The following GPRC5B variants were observed in gnomAD, a reference collection of about 807,000 sequenced individuals.
GPRC5B encodes G protein-coupled receptor class C group 5 member B.
Under a neutral mutation model 30.1 loss-of-function variants are expected in GPRC5B, and 16 were observed. That is an observed-to-expected ratio of 0.53 (90% CI 0.36 to 0.81). GPRC5B has a LOEUF of 0.81. Ranked by LOEUF, GPRC5B falls within the 30% of genes least tolerant of loss-of-function variation. The pLI is 0.01. For synonymous variants in GPRC5B, 241 were observed against 239.5 expected, an observed-to-expected ratio of 1.01 and a Z score of -0.06; for missense variants, 428 against 544.7, an observed-to-expected ratio of 0.79 and a Z score of 2.13.
At chr16:19,882,620 A>C (rs1367239571) in intron 1 of GPRC5B, among the ~76,000 whole-genome samples, 1 of 152,020 alleles carries the variant, frequency 6.6e-6, no homozygotes, top group Non-Finnish European at 1.5e-5. Flanking sequence ...CTCTATCCCC[A>C]TGGGCAGAAT....
intron 2 of GPRC5B, among the ~76,000 whole-genome samples, chr16:19,868,403 C>T (rs1354001895): frequency 6.6e-6 from 1 of 151,952 alleles, no homozygotes; most frequent in Non-Finnish European, 1.5e-5. Flanking sequence ...AAAAAGAAAA[C>T]ATGAATGTAT....
At chr16:19,876,645 C>G (rs957367918) in intron 1 of GPRC5B, among the ~76,000 whole-genome samples, 3 of 152,204 alleles carry the variant, frequency 2.0e-5, no homozygotes, top group Non-Finnish European at 4.4e-5. Context: ...GTGGAGGATG[C>G]CAACACCAAG....
At chr16:19,877,662 A>G (rs1484613595) in intron 1 of GPRC5B, among the ~76,000 whole-genome samples, 1 of 152,198 alleles carries the variant, frequency 6.6e-6, no homozygotes, top group Non-Finnish European at 1.5e-5. Flanking sequence ...CTTCGCGTAT[A>G]TTAATACCTA....
rs576478932 is a variant in GPRC5B, at chr16:19,872,873, G to C, written c.-1-27C>G. The C allele has an allele frequency of 5.8e-6, 9 of 1,542,794 alleles. No homozygotes were observed. The South Asian group carries it at 1.0e-4, about 17-fold the overall frequency. Reference sequence around the variant, plus strand: ...TAGAAAAGCCAAGAGGGGAATGGTTGGGGGGAAGGAAAGATGAATTCATTG... The same window carrying C: ...TAGAAAAGCCAAGAGGGGAATGGTTCGGGGGAAGGAAAGATGAATTCATTG... On this transcript the variant is annotated intron_variant, in intron 1 of 3. Coordinates refer to ENST00000300571, the MANE Select transcript of GPRC5B (RefSeq NM_016235.3). This position sits in a 1 kb window ranked among gnomAD's most constrained non-coding sequence, Gnocchi z 5.0.
Position 19,860,224 on chromosome 16 carries a change from CTATTTGCAATTAGCTTTGCTTTA to C in GPRC5B, c.*253_*275del. On this transcript the variant is annotated 3_prime_UTR_variant, in exon 4 of 4. Coordinates refer to ENST00000300571, the MANE Select transcript of GPRC5B (RefSeq NM_016235.3). ...GCCACATTTTCCAGTGAGCCTAATA[CTATTTGCAATTAGCTTTGCTTTA>C]GTTTGCGGGGATTGAGGTTGGTCTG... 2.4e-6 allele frequency: 1 copy of C among 410,152 alleles called. No homozygotes were observed. The highest frequency in any genetic ancestry group is 2.6e-5 in the South Asian group (1 of 38,754). The allele number at this position is 410,152 out of a possible 1,614,324, so 25.4% of individuals were successfully genotyped here.
At chr16:19,870,268 C>T (rs2056704907) in intron 2 of GPRC5B, among the ~76,000 whole-genome samples, 1 of 152,176 alleles carries the variant, frequency 6.6e-6, no homozygotes, top group Non-Finnish European at 1.5e-5. Flanking sequence ...TCTTCTCTGC[C>T]TTCTCAGTCT....
rs770196174 is a variant in GPRC5B at position 19,872,833 on chromosome 16, A to T, written c.13T>A (p.Ser5Thr). 5.6e-6 allele frequency: 9 copies of T among 1,611,600 alleles called. No individual in the cohort carries two copies. The East Asian group carries it at 2.0e-4, about 36-fold the overall frequency. Residue 5 changes from serine (S) to threonine (T), a missense_variant, in exon 2 of 4, where the codon TCA becomes ACA. Physicochemically the swap from Ser to Thr is moderately conservative, Grantham distance 58. Around this residue, in one of 3 missense-constraint regions of GPRC5B, gnomAD observed 196 missense variants for 272.6 expected, o/e 0.72. Coordinates refer to ENST00000300571, the MANE Select transcript of GPRC5B (RefSeq NM_016235.3). The surrounding 1 kb of genome is among the most constrained non-coding windows in gnomAD (Gnocchi z 5.0). MFVA[S>T]ERKMRAHQVL... ...TGGTGAGCTCTCATCTTTCTCTCTG[A>T]TGCCACGAACATTCTAGAAAAGCCA...
rs557146919 is a variant in GPRC5B at position 19,866,581 on chromosome 16, C to T, written c.1031-4608G>A. 2.5e-3 allele frequency among the ~76,000 whole-genome samples: 374 copies of T among 151,936 alleles called. 1 individual carries two copies. Among genetic ancestry groups the T allele is most frequent in the African/African-American group, 8.5e-3 (350 of 41,406 alleles). ...TTTAGTAGAGACAGGGGTGTCGCCA[C>T]GTTGCCCAGGTTGGTCTCCAACTTT... On this transcript the variant is annotated intron_variant, in intron 2 of 3. Coordinates refer to ENST00000300571, the MANE Select transcript of GPRC5B (RefSeq NM_016235.3).
intron 1 of GPRC5B, among the ~76,000 whole-genome samples, chr16:19,881,955 C>T (rs540644295): frequency 6.6e-5 from 10 of 152,310 alleles, no homozygotes; most frequent in South Asian, 6.2e-4. Context: ...GAATCCCTCA[C>T]GTGTGGCAGA....
At chr16:19,871,297 A>AAAAAAAAAAAAAAG (rs1567209331) in intron 2 of GPRC5B, among the ~76,000 whole-genome samples, 1 of 150,402 alleles carries the variant, frequency 6.6e-6, no homozygotes, top group African/African-American at 2.4e-5. Context: ...AAAAAAAAAA[A>AAAAAAAAAAAAAAG]AAAGAAAGAA....
chr16:19,880,470 GAATGTGTTGT>G (rs2056798961), intron 1 of GPRC5B, among the ~76,000 whole-genome samples: 2 of 41,400 alleles, frequency 4.8e-5, no homozygotes, highest in African/African-American at 7.4e-5. Flanking sequence ...AATAAGAAAA[GAATGTGTTGT>G]AATGAGATTA....
intron 2 of GPRC5B, among the ~76,000 whole-genome samples, chr16:19,869,106 A>G (rs1448719854): frequency 6.6e-6 from 1 of 152,148 alleles, no homozygotes; most frequent in Non-Finnish European, 1.5e-5. Context: ...AGGCAGGCGG[A>G]TCACATGAGG....
intron 1 of GPRC5B, among the ~76,000 whole-genome samples, chr16:19,883,931 G>T (rs2056828821): frequency 6.6e-6 from 1 of 152,176 alleles, no homozygotes; most frequent in Non-Finnish European, 1.5e-5. Context: ...CGGCCTAAGC[G>T]CTAGGGACCC....
Position 19,872,968 on chromosome 16 carries a change from C to A in GPRC5B, c.-1-122G>T. On this transcript the variant is annotated intron_variant, in intron 1 of 3. Coordinates refer to ENST00000300571, the MANE Select transcript of GPRC5B (RefSeq NM_016235.3). The surrounding 1 kb of genome is among the most constrained non-coding windows in gnomAD (Gnocchi z 5.0). ...TTCAAACCTGCAAGCGCACACGGCACCTTTGCACACATAGGAAAACGTGCT... is the reference window on the plus strand; with the variant it reads ...TTCAAACCTGCAAGCGCACACGGCAACTTTGCACACATAGGAAAACGTGCT... 1.5e-6 allele frequency: 1 copy of A among 673,216 alleles called. No homozygotes were observed. Among genetic ancestry groups the A allele is most frequent in the Non-Finnish European group, 2.5e-6 (1 of 392,744 alleles). 41.7% of individuals were successfully genotyped at this position (673,216 alleles called of 1,614,324 possible). A position where few individuals can be genotyped will look rare whatever the true frequency, so the allele number is the denominator to read the frequency against.
intron 2 of GPRC5B, among the ~76,000 whole-genome samples, chr16:19,871,483 G>C (rs560616525): frequency 6.6e-6 from 1 of 152,012 alleles, no homozygotes; most frequent in Non-Finnish European, 1.5e-5. Context: ...TTAGCTGGGC[G>C]TGGTGGCACA....
rs545203277 is a variant in GPRC5B, at chr16:19,875,836, T to A, written c.-1-2990A>T. On this transcript the variant is annotated intron_variant, in intron 1 of 3. Transcript: ENST00000300571. ...GCTCGTTGATGTAACCCATGTTGCATACCCACTGGGCGCATTTCAACCTAC... is the reference window on the plus strand; with the variant it reads ...GCTCGTTGATGTAACCCATGTTGCAAACCCACTGGGCGCATTTCAACCTAC... Among the ~76,000 whole-genome samples, 10 of 152,286 alleles carry A rather than the reference T, an allele frequency of 6.6e-5. No individual in the cohort carries two copies. The South Asian group carries it at 1.9e-3, about 28-fold the overall frequency.
At chr16:19,883,786 A>G (rs1022592901) in intron 1 of GPRC5B, among the ~76,000 whole-genome samples, 55 of 152,334 alleles carry the variant, frequency 3.6e-4, no homozygotes, top group African/African-American at 1.3e-3. Context: ...CCTGGGTGTG[A>G]CAGAGCAAGG....
chr16:19,874,466 C>T (rs945089011), intron 1 of GPRC5B, among the ~76,000 whole-genome samples: 8 of 152,214 alleles, frequency 5.3e-5, no homozygotes, highest in Non-Finnish European at 7.3e-5. Flanking sequence ...CTCCTGTCCT[C>T]CCATCCTCAC....
At position 19,871,935 on chromosome 16, in the gene GPRC5B, G is replaced by A. The variant is rs763395729; in HGVS notation, c.911C>T (p.Thr304Met). 12 of 1,613,932 alleles carry A rather than the reference G, an allele frequency of 7.4e-6. No homozygotes were observed. The highest frequency in any genetic ancestry group is 2.2e-5 in the East Asian group (1 of 44,878). Residue 304 changes from threonine (T) to methionine (M), a missense_variant, in exon 2 of 4, where the codon ACG becomes ATG. Thr to Met is a moderately conservative substitution (Grantham distance 81). Coordinates refer to ENST00000300571, the MANE Select transcript of GPRC5B (RefSeq NM_016235.3). ...CTGCGACGTGTCGAAGTAGTTGGGC[G>A]TGTTCTCCTGCAGGGCTGGCAGAAG... ...CTLLPALQENTPNYFDTSQPR... is the reference protein window; with the variant it reads ...CTLLPALQENMPNYFDTSQPR...
Sources: gnomAD v4.1 joint callset for allele counts (sites outside exome capture counted in the v4.1 genomes callset) on GRCh38, gnomAD v4.1.1 for gene constraint, gnomAD v4.1.1 regional missense constraint, Gnocchi (gnomAD v3.1) non-coding constraint, MANE v1.5 for transcripts, NCBI Gene and HGNC (gene_info 2026-07-23, HGNC 2026-07-21) for gene names.